USP3: variants seen among roughly 807,000 people sequenced by gnomAD.
USP3 encodes ubiquitin carboxyl-terminal hydrolase 3.
A neutral mutation model predicts 72.3 loss-of-function variants in USP3; 20 were observed. The ratio of observed to expected loss-of-function variants is 0.28; its 90% confidence interval spans 0.19 to 0.40. The LOEUF (loss-of-function observed/expected upper bound fraction) is 0.40, where lower values mean the gene tolerates loss of function less well. Among genes scored for constraint, USP3 ranks in the 10% least tolerant of loss-of-function variants. The pLI is 1.00. For synonymous variants in USP3, 222 were observed against 225.3 expected, an observed-to-expected ratio of 0.99 and a Z score of 0.13; for missense variants, 479 against 633.9, an observed-to-expected ratio of 0.76 and a Z score of 2.62.
Position 63,590,796 on chromosome 15 carries a change from C to T in USP3, c.1533C>T (p.His511=), listed in dbSNP as rs779911042. ...CCTACATCCTTTTCTACGTGGAACA[C>T]CAGGCCAAAGCTGGATCGGATAAAC... ...AKAYILFYVE[H]QAKAGSDKL is the part of the protein sequence containing the mutation. Residue 511 remains histidine (H), a synonymous_variant, in exon 15 of 15, where the codon CAC becomes CAT. Coordinates refer to ENST00000380324, the MANE Select transcript of USP3 (RefSeq NM_006537.4). The T allele has an allele frequency of 1.4e-5, 23 of 1,613,834 alleles. No individual in the cohort carries two copies. The Middle Eastern group carries it at 5.0e-4, about 35-fold the overall frequency.
In USP3 at chr15:63,537,579, T is replaced by TA. The variant is rs1405409696; in HGVS notation, c.284+432dup. On this transcript the variant is annotated intron_variant, in intron 3 of 14. Coordinates refer to ENST00000380324, the MANE Select transcript of USP3 (RefSeq NM_006537.4). ...TCTTAAAAATTTTAACTGCTTTGTT[T>TA]AAAAAAAAATTATTCTGACAGTCTC... Among the ~76,000 whole-genome samples, 9 of 151,914 alleles carry TA rather than the reference T, an allele frequency of 5.9e-5. No individual in the cohort carries two copies. The East Asian group carries it at 9.6e-4, about 16-fold the overall frequency.
chr15:63,560,242 C>G (rs2066584646), intron 7 of USP3, among the ~76,000 whole-genome samples: 1 of 151,872 alleles, frequency 6.6e-6, no homozygotes. Context: ...ATGGTGAAAC[C>G]CCATCTCTAC....
At chr15:63,590,330 T>TCTTTGTTAAGCTTA (rs1283376163) in intron 14 of USP3, among the ~76,000 whole-genome samples, 1 of 152,130 alleles carries the variant, frequency 6.6e-6, no homozygotes, top group Non-Finnish European at 1.5e-5. Context: ...AGGGTGCCCT[T>TCTTTGTTAAGCTTA]CTTTGTTAAG....
rs62011328 is a variant in USP3 at position 63,529,177 on chromosome 15, G to T, written c.92-3470G>T. Reference sequence around the variant, plus strand: ...CACCACACTTGGCAGGTAGTAAAGTGGTTTTTTTTTTTTTCTTTTTTTTGA... The same window carrying T: ...CACCACACTTGGCAGGTAGTAAAGTTGTTTTTTTTTTTTTCTTTTTTTTGA... On this transcript the variant is annotated intron_variant, in intron 1 of 14. Transcript: ENST00000380324. This position sits in a 1 kb window ranked among gnomAD's most constrained non-coding sequence, Gnocchi z 4.2. 1.6e-6 allele frequency: 1 copy of T among 644,928 alleles called. No individual in the cohort carries two copies. The highest frequency in any genetic ancestry group is 6.8e-5 in the East Asian group (1 of 14,782). The allele number at this position is 644,928 out of a possible 1,614,324, so 40.0% of individuals were successfully genotyped here. A position where few individuals can be genotyped will look rare whatever the true frequency, so the allele number is the denominator to read the frequency against.
intron 9 of USP3, among the ~76,000 whole-genome samples, chr15:63,572,901 C>G (rs2066802565): frequency 6.6e-6 from 1 of 152,186 alleles, no homozygotes; most frequent in Non-Finnish European, 1.5e-5. Context: ...ACTAACTTAA[C>G]CTCAGCGTCC....
intron 11 of USP3, among the ~76,000 whole-genome samples, chr15:63,585,181 T>G (rs1471673517): frequency 6.6e-6 from 1 of 152,226 alleles, no homozygotes. Context: ...ACTTTGTTGT[T>G]CTTTTTCAAA....
intron 1 of USP3, among the ~76,000 whole-genome samples, chr15:63,510,572 G>A (rs1337906559): frequency 2.6e-5 from 4 of 152,132 alleles, no homozygotes; most frequent in Non-Finnish European, 4.4e-5. Context: ...TTTATTCATT[G>A]CCTCTTTAGA....
At chr15:63,537,235 A>G in intron 3 of USP3, 79 bp downstream of exon 3, 1 of 1,490,626 alleles carries the variant, frequency 6.7e-7, no homozygotes, top group African/African-American at 1.4e-5. Flanking sequence ...CTCAGTCTCT[A>G]AGCCAGTTAC....
chr15:63,587,851 C>T (rs1471249155), intron 11 of USP3: 1 of 152,354 alleles, frequency 6.6e-6, no homozygotes, highest in East Asian at 1.9e-4. Flanking sequence ...ACTGAGAGTA[C>T]AGCGTCTGGA....
chr15:63,582,779 C>G (rs1199752211), intron 11 of USP3, among the ~76,000 whole-genome samples: 4 of 152,046 alleles, frequency 2.6e-5, no homozygotes, highest in African/African-American at 9.7e-5. Flanking sequence ...AAGATGAGGA[C>G]AGGAAGGAAG....
chr15:63,590,875 A>G lies in USP3; in HGVS notation c.*49A>G. The G allele has an allele frequency of 6.6e-7, 1 of 1,523,968 alleles. No individual in the cohort carries two copies. Among genetic ancestry groups the G allele is most frequent in the Non-Finnish European group, 8.8e-7 (1 of 1,133,272 alleles). The allele number at this position is 1,523,968 out of a possible 1,614,324, so 94.4% of individuals were successfully genotyped here. Reference sequence around the variant, plus strand: ...CCAACCATACCAGAGAAACATTTCCAGTTTTCCACAAATACTTGATACAAG... The same window carrying G: ...CCAACCATACCAGAGAAACATTTCCGGTTTTCCACAAATACTTGATACAAG... On this transcript the variant is annotated 3_prime_UTR_variant, in exon 15 of 15. Coordinates refer to ENST00000380324, the MANE Select transcript of USP3 (RefSeq NM_006537.4).
At chr15:63,519,198 C>G (rs992563973) in intron 1 of USP3, among the ~76,000 whole-genome samples, 7 of 152,158 alleles carry the variant, frequency 4.6e-5, no homozygotes, top group Non-Finnish European at 8.8e-5. Flanking sequence ...ATAGCTATTA[C>G]TCCTTTCTGT....
chr15:63,532,774 C>G, intron 2 of USP3, 67 bp downstream of exon 2: 1 of 1,532,190 alleles, frequency 6.5e-7, no homozygotes. Context: ...AGCTTTATGT[C>G]AGAGTTTTAT....
intron 1 of USP3, among the ~76,000 whole-genome samples, chr15:63,509,551 G>C (rs1180852896): frequency 6.6e-6 from 1 of 151,992 alleles, no homozygotes; most frequent in African/African-American, 2.4e-5. Context: ...AATGTGGATG[G>C]GGTAGTTAAA....
chr15:63,545,089 C>T (rs1190854347), intron 3 of USP3, among the ~76,000 whole-genome samples: 1 of 152,102 alleles, frequency 6.6e-6, no homozygotes, highest in Non-Finnish European at 1.5e-5. Context: ...TCTAAAAAGG[C>T]ATATATAAAG....
Position 63,546,436 on chromosome 15 carries a change from TA to T in USP3, c.285-7278del, listed in dbSNP as rs759901603. On this transcript the variant is annotated intron_variant, in intron 3 of 14. Transcript: ENST00000380324. Reference sequence around the variant, plus strand: ...GAGTTACGTACTTTTTTGTACCACTTATTCTGGCATAATCTTCTTGAAGGGA... The same window carrying T: ...GAGTTACGTACTTTTTTGTACCACTTTTCTGGCATAATCTTCTTGAAGGGA... 4.3e-4 allele frequency among the ~76,000 whole-genome samples: 65 copies of T among 152,360 alleles called. 1 individual carries two copies. The highest frequency in any genetic ancestry group is 6.8e-3 in the Middle Eastern group (2 of 294).
intron 1 of USP3, among the ~76,000 whole-genome samples, chr15:63,516,645 A>C (rs886778148): frequency 6.6e-6 from 1 of 152,118 alleles, no homozygotes. Flanking sequence ...CTAGGCTCCC[A>C]GAGTTGCTGT....
At chr15:63,561,563 C>G (rs960273208) in intron 7 of USP3, among the ~76,000 whole-genome samples, 2 of 152,156 alleles carry the variant, frequency 1.3e-5, no homozygotes, top group African/African-American at 4.8e-5. Flanking sequence ...TGCTCTTTGC[C>G]CCCCCTGCTA....
Position 63,593,682 on chromosome 15 carries a change from C to G in USP3, c.*2856C>G, listed in dbSNP as rs886122303. The G allele has an allele frequency of 6.6e-6, 1 of 152,222 alleles. No homozygotes were observed. The highest frequency in any genetic ancestry group is 1.9e-4 in the East Asian group (1 of 5,202). 9.4% of individuals were successfully genotyped at this position (152,222 alleles called of 1,614,324 possible). A position where few individuals can be genotyped will look rare whatever the true frequency, so the allele number is the denominator to read the frequency against. On this transcript the variant is annotated 3_prime_UTR_variant, in exon 15 of 15. Transcript: ENST00000380324. Reference sequence around the variant, plus strand: ...TGATTGGATCCATCTCAATTGTGCACTTGAACAGCAGTGATGTAAATGTGC... The same window carrying G: ...TGATTGGATCCATCTCAATTGTGCAGTTGAACAGCAGTGATGTAAATGTGC...
Sources: gnomAD v4.1 joint callset for allele counts (sites outside exome capture counted in the v4.1 genomes callset) on GRCh38, gnomAD v4.1.1 for gene constraint, Gnocchi (gnomAD v3.1) non-coding constraint, MANE v1.5 for transcripts, NCBI Gene and HGNC (gene_info 2026-07-23, HGNC 2026-07-21) for gene names.